The following VWCE variants were observed in gnomAD, a reference collection of about 807,000 sequenced individuals.
The protein encoded by VWCE is von Willebrand factor C and EGF domain-containing protein.
Under a neutral mutation model 102.9 loss-of-function variants are expected in VWCE, and 68 were observed. The ratio of observed to expected loss-of-function variants is 0.66; its 90% CI spans 0.54 to 0.81. The LOEUF (loss-of-function observed/expected upper bound fraction) is 0.81. Among genes scored for constraint, VWCE ranks in the 30% least tolerant of loss-of-function variants. The pLI, the probability that VWCE is intolerant of heterozygous loss-of-function variation, is 0.00. For synonymous variants in VWCE, 497 were observed against 515.4 expected (o/e 0.96, Z 0.48); for missense variants, 1,137 against 1,263.6 (o/e 0.90, Z 1.52).
At chr11:61,276,549 T>TAA (rs71471819) in intron 11 of VWCE, 44 bp downstream of exon 11, 1,279 of 1,143,408 alleles carry the variant, frequency 1.1e-3, no homozygotes, top group South Asian at 1.7e-3. Flanking sequence ...ACAAAAAATC[T>TAA]AAAAAAAAAA....
In VWCE at chr11:61,281,801, G is replaced by A. The variant is rs753716685; in HGVS notation, c.772C>T (p.Arg258Cys). The change falls in exon 7 of 20, where the codon CGC (arginine) becomes TGC (cysteine). Residue 258 changes from arginine (R) to cysteine (C), a missense_variant. Transcript: ENST00000335613. ...TGGCGCTCACCTTCACAGGACACGCGGTCAGCTCGGAGCCTGAAGCCAGGT... is the reference window on the plus strand; with the variant it reads ...TGGCGCTCACCTTCACAGGACACGCAGTCAGCTCGGAGCCTGAAGCCAGGT... The part of the protein sequence containing the change: ...CRPGFRLRAD[R>C]VSCEAFPKAV... 1.9e-6 allele frequency: 3 copies of A among 1,613,150 alleles called. No homozygotes were observed. The highest frequency in any genetic ancestry group is 1.1e-5 in the South Asian group (1 of 90,854).
chr11:61,282,031 A>G, intron 6 of VWCE, 117 bp from the exon 7 acceptor site: 2 of 1,452,996 alleles, frequency 1.4e-6, no homozygotes, highest in Admixed American at 4.8e-5. Context: ...TACAGGGTCC[A>G]TGCCTGCCCC....
At chr11:61,269,814 G>T (rs1854621353) in intron 14 of VWCE, among the ~76,000 whole-genome samples, 1 of 151,924 alleles carries the variant, frequency 6.6e-6, no homozygotes, top group Non-Finnish European at 1.5e-5. Context: ...CACTCTCTTG[G>T]TGACTGATTA....
At chr11:61,269,437 G>A (rs1411145551) in intron 14 of VWCE, 2 of 160,598 alleles carry the variant, frequency 1.2e-5, no homozygotes, top group African/African-American at 4.9e-5. Flanking sequence ...GCCATACAAG[G>A]TTTCTTTCTT....
At chr11:61,271,482 A>G (rs1271561681) in intron 14 of VWCE, 193 bp downstream of exon 14, 6 of 533,736 alleles carry the variant, frequency 1.1e-5, no homozygotes, top group Non-Finnish European at 1.0e-5. Context: ...GCCAAGCACC[A>G]TCGTCCTCAC....
At chr11:61,264,442 GGAA>G (rs1330957640) in intron 19 of VWCE, 42 bp downstream of exon 19, 1 of 1,568,640 alleles carries the variant, frequency 6.4e-7, no homozygotes. Flanking sequence ...AAAGTAAAAT[GGAA>G]GAAGATGGCG....
intron 7 of VWCE, 29 bp downstream of exon 7, chr11:61,281,757 C>T: frequency 1.3e-6 from 2 of 1,589,156 alleles, no homozygotes; most frequent in Non-Finnish European, 1.7e-6. Context: ...GCGTGGCCAG[C>T]CGCCGGGATG....
chr11:61,260,837 A>C (rs1293123178), intron 19 of VWCE, among the ~76,000 whole-genome samples: 1 of 152,256 alleles, frequency 6.6e-6, no homozygotes, highest in Non-Finnish European at 1.5e-5. Context: ...AAGTCAAAAA[A>C]TCATTAAGAT....
At chr11:61,291,728 C>A in intron 1 of VWCE, 152 bp from the exon 2 acceptor site, 1 of 625,476 alleles carries the variant, frequency 1.6e-6, no homozygotes, top group Non-Finnish European at 2.4e-6. Context: ...AAAAATGACC[C>A]AAACAGTCTT....
At chr11:61,260,395 G>A (rs1009175241) in intron 19 of VWCE, among the ~76,000 whole-genome samples, 1 of 152,126 alleles carries the variant, frequency 6.6e-6, no homozygotes. Flanking sequence ...CATCTCGGCT[G>A]TCCTACTTGC....
In VWCE at chr11:61,277,364, T is replaced by G. The variant is rs143145620; in HGVS notation, c.1408-684A>C. 3.3e-3 allele frequency among the ~76,000 whole-genome samples: 497 copies of G among 151,552 alleles called. 5 individuals carry two copies. The highest frequency in any genetic ancestry group is 0.012 in the African/African-American group (482 of 41,250). ...TGGCTCATCCCTGTAATCCCAGCAT[T>G]TTGGGAGGCCAAGGTGGGAGGATCG... On this transcript the variant is annotated intron_variant, in intron 10 of 19. Transcript: ENST00000335613.
rs944239699 is a variant in VWCE, at chr11:61,258,523, ATCCAGCCTTGGGGGTCTTCCATCC to A, written c.*128_*151del. ...AAACACTTCTTGGGAACAAGGTTAC[ATCCAGCCTTGGGGGTCTTCCATCC>A]TCACCAGGGCCCCTGCAGGAGGGAG... On this transcript the variant is annotated 3_prime_UTR_variant, in exon 20 of 20. Coordinates refer to ENST00000335613, the MANE Select transcript of VWCE (RefSeq NM_152718.2). The A allele has an allele frequency of 8.2e-6, 6 of 733,732 alleles. No homozygotes were observed. The highest frequency in any genetic ancestry group is 1.1e-5 in the Non-Finnish European group (6 of 530,276). The allele number at this position is 733,732 out of a possible 1,614,324, so 45.5% of individuals were successfully genotyped here.
Position 61,295,110 on chromosome 11 carries a change from T to C in VWCE, c.-73A>G. 1.1e-6 allele frequency: 1 copy of C among 950,266 alleles called. No individual in the cohort carries two copies. The highest frequency in any genetic ancestry group is 1.4e-6 in the Non-Finnish European group (1 of 719,712). 58.9% of individuals were successfully genotyped at this position (950,266 alleles called of 1,614,324 possible). ...GCGCGGGAGAGGGGGCTGCCGGCCCTCGCCCCTCCTCCTGGCGCCGTGGGG... is the reference window on the plus strand; with the variant it reads ...GCGCGGGAGAGGGGGCTGCCGGCCCCCGCCCCTCCTCCTGGCGCCGTGGGG... On this transcript the variant is annotated 5_prime_UTR_variant, in exon 1 of 20. Coordinates refer to ENST00000335613, the MANE Select transcript of VWCE (RefSeq NM_152718.2). The surrounding 1 kb of genome is among the most constrained non-coding windows in gnomAD (Gnocchi z 4.6).
At chr11:61,275,694 G>T (rs777616119) in intron 11 of VWCE, among the ~76,000 whole-genome samples, 2 of 152,298 alleles carry the variant, frequency 1.3e-5, no homozygotes, top group South Asian at 2.1e-4. Flanking sequence ...TGACATAAAG[G>T]GTTCCATGAG....
rs1202697791 is a variant in VWCE at position 61,282,883 on chromosome 11, A to AT, written c.563_564insA (p.Pro189SerfsTer7). On this transcript the variant is annotated frameshift_variant, in exon 6 of 20. Transcript: ENST00000335613. LOFTEE classifies it high-confidence loss of function. ...TGTTTTTACATCTCTGCTGACAGGG[A>AT]GTCCCTAGGCATTCGTCAGTGTCTG... 1 of 1,614,166 alleles carries AT rather than the reference A, an allele frequency of 6.2e-7. No homozygotes were observed. The highest frequency in any genetic ancestry group is 8.5e-7 in the Non-Finnish European group (1 of 1,180,002).
intron 19 of VWCE, among the ~76,000 whole-genome samples, chr11:61,261,649 A>G (rs1256216691): frequency 6.6e-6 from 1 of 151,876 alleles, no homozygotes; most frequent in Non-Finnish European, 1.5e-5. Flanking sequence ...AAAAATAGAA[A>G]CAAAAAATTA....
At chr11:61,284,545 T>C (rs1855251530) in intron 5 of VWCE, among the ~76,000 whole-genome samples, 1 of 152,164 alleles carries the variant, frequency 6.6e-6, no homozygotes, top group South Asian at 2.1e-4. Context: ...ACCGCCAATG[T>C]AATGGCATTT....
chr11:61,259,729 G>T (rs1458837849), intron 19 of VWCE, among the ~76,000 whole-genome samples: 2 of 152,170 alleles, frequency 1.3e-5, no homozygotes, highest in Non-Finnish European at 2.9e-5. Flanking sequence ...GGTGCTAATA[G>T]GGGGCAACGC....
chr11:61,267,862 G>A (rs1237106102), intron 15 of VWCE, among the ~76,000 whole-genome samples: 1 of 152,010 alleles, frequency 6.6e-6, no homozygotes, highest in Non-Finnish European at 1.5e-5. Flanking sequence ...TACGAGGTGT[G>A]TGTGAGGCCC....
Sources: allele counts gnomAD v4.1 joint callset (sites outside exome capture counted in the v4.1 genomes callset), GRCh38; gene constraint gnomAD v4.1.1; non-coding constraint Gnocchi (gnomAD v3.1); transcripts MANE v1.5; gene names NCBI Gene and HGNC (gene_info 2026-07-23, HGNC 2026-07-21).